MYO18A: variants seen among roughly 807,000 people sequenced by gnomAD.
The protein encoded by MYO18A is unconventional myosin-XVIIIa.
A neutral mutation model predicts 235.8 loss-of-function variants in MYO18A; 78 were observed. The observed-to-expected ratio is 0.33, with a 90% CI of 0.28 to 0.40. MYO18A has a LOEUF of 0.40. Ranked by LOEUF, MYO18A falls within the 10% of genes least tolerant of loss-of-function variation. The pLI is 1.00. For missense variants in MYO18A, 2,215 were observed against 2,699.3 expected, an observed-to-expected ratio of 0.82 and a Z score of 3.98; for synonymous variants, 977 against 1,077.8, an observed-to-expected ratio of 0.91 and a Z score of 1.83.
At position 29,140,832 on chromosome 17, in the gene MYO18A, G is replaced by A. The variant is rs765916927; in HGVS notation, c.1000-18579C>T. Reference sequence around the variant, plus strand: ...CACACACACACACACCAGCATGCACGAACATTCAATCAACACAGTGTTCTT... The same window carrying A: ...CACACACACACACACCAGCATGCACAAACATTCAATCAACACAGTGTTCTT... On this transcript the variant is annotated intron_variant, in intron 2 of 41. Coordinates refer to ENST00000527372, the MANE Select transcript of MYO18A (RefSeq NM_078471.4). The surrounding 1 kb of genome is among the most constrained non-coding windows in gnomAD (Gnocchi z 4.2). Among the ~76,000 whole-genome samples the A allele has an allele frequency of 2.0e-5, 3 of 152,082 alleles. No homozygotes were observed. Among genetic ancestry groups the A allele is most frequent in the Non-Finnish European group, 2.9e-5 (2 of 68,008 alleles).
intron 2 of MYO18A, chr17:29,134,046 G>C: frequency 3.0e-6 from 1 of 329,640 alleles, no homozygotes; most frequent in Non-Finnish European, 6.0e-6. Context: ...ATGAAGGAAA[G>C]TAGGCACAGA....
chr17:29,149,093 C>T (rs2067914950), intron 2 of MYO18A, among the ~76,000 whole-genome samples: 1 of 152,204 alleles, frequency 6.6e-6, no homozygotes, highest in South Asian at 2.1e-4. Context: ...TCACCTCCGC[C>T]AGGCCGGCCT....
At position 29,118,311 on chromosome 17, in the gene MYO18A, A is replaced by G. The variant is rs2067120563; in HGVS notation, c.1893+66T>C. On this transcript the variant is annotated intron_variant, in intron 9 of 41. Coordinates refer to ENST00000527372, the MANE Select transcript of MYO18A (RefSeq NM_078471.4). This position sits in a 1 kb window ranked among gnomAD's most constrained non-coding sequence, Gnocchi z 4.2. ...GCTGGGCTCCCACTATTCCCACAGGACCCATGGAGGCTTCTCCTACCCCCA... is the reference window on the plus strand; with the variant it reads ...GCTGGGCTCCCACTATTCCCACAGGGCCCATGGAGGCTTCTCCTACCCCCA... The G allele has an allele frequency of 6.4e-7, 1 of 1,566,846 alleles. No homozygotes were observed. The highest frequency in any genetic ancestry group is 8.7e-7 in the Non-Finnish European group (1 of 1,150,104).
At chr17:29,090,962 G>T (rs374018262) in intron 34 of MYO18A, 36 bp from the exon 35 acceptor site, 156 of 1,559,808 alleles carry the variant, frequency 1.0e-4, no homozygotes, top group Non-Finnish European at 1.3e-4. Flanking sequence ...AGGGCCTCAG[G>T]CCCAGTGTGC....
chr17:29,151,877 A>G (rs1348143626), intron 2 of MYO18A, among the ~76,000 whole-genome samples: 4 of 152,170 alleles, frequency 2.6e-5, no homozygotes, highest in Non-Finnish European at 5.9e-5. Flanking sequence ...TCTGCCATGG[A>G]GCAGTGAGGC....
chr17:29,174,286 G>T (rs987224832), intron 1 of MYO18A, among the ~76,000 whole-genome samples: 1 of 152,266 alleles, frequency 6.6e-6, no homozygotes, highest in Non-Finnish European at 1.5e-5. Flanking sequence ...CGGGAGGACT[G>T]CTTGAGTCCA....
chr17:29,162,985 G>A (rs1481176162), intron 2 of MYO18A, among the ~76,000 whole-genome samples: 3 of 152,194 alleles, frequency 2.0e-5, no homozygotes, highest in African/African-American at 4.8e-5. Flanking sequence ...GAGAGGAGCC[G>A]GGGGCCTGGC....
In MYO18A at chr17:29,116,348, A is replaced by G. The variant is rs963556378; in HGVS notation, c.2050+96T>C. 42 of 1,493,476 alleles carry G rather than the reference A, an allele frequency of 2.8e-5. 1 individual carries two copies. The highest frequency in any genetic ancestry group is 3.6e-5 in the Non-Finnish European group (39 of 1,070,802). 92.5% of individuals were successfully genotyped at this position (1,493,476 alleles called of 1,614,324 possible). A position where few individuals can be genotyped will look rare whatever the true frequency, so the allele number is the denominator to read the frequency against. ...AACAGTGGGGAGGCAAAAAAGCCAC[A>G]GGGGAAAGGGAACAGCCCGCACAGA... On this transcript the variant is annotated intron_variant, in intron 11 of 41. Coordinates refer to ENST00000527372, the MANE Select transcript of MYO18A (RefSeq NM_078471.4).
intron 18 of MYO18A, 21 bp from the exon 19 acceptor site, chr17:29,110,122 C>T (rs757650477): frequency 6.2e-7 from 1 of 1,601,676 alleles, no homozygotes. Flanking sequence ...GAAGAGACTG[C>T]CCTCAGTGGG....
chr17:29,082,438 A>G lies in MYO18A; in HGVS notation c.5898T>C (p.Leu1966=). The G allele has an allele frequency of 6.2e-7, 1 of 1,612,684 alleles. No individual in the cohort carries two copies. The highest frequency in any genetic ancestry group is 1.3e-5 in the African/African-American group (1 of 74,978). Reference sequence around the variant, plus strand: ...CCGAGTCCACATCAGAGTCTCCCTCACTGTAGGGATGAGGAGCAGAAAGGT... The same window carrying G: ...CCGAGTCCACATCAGAGTCTCCCTCGCTGTAGGGATGAGGAGCAGAAAGGT... ...VTKYQKRKNK[L]EGDSDVDSEL... The change falls in exon 41 of 42, where the codon CTT becomes CTC. Residue 1966 remains leucine (L), a splice_region_variant and synonymous_variant. Coordinates refer to ENST00000527372, the MANE Select transcript of MYO18A (RefSeq NM_078471.4).
chr17:29,089,104 A>G lies in MYO18A; in HGVS notation c.5526+857T>C, dbSNP rs554056286. 6.6e-5 allele frequency among the ~76,000 whole-genome samples: 10 copies of G among 151,816 alleles called. No homozygotes were observed. The South Asian group carries it at 2.1e-3, about 32-fold the overall frequency. On this transcript the variant is annotated intron_variant, in intron 37 of 41. Transcript: ENST00000527372. ...AACCTTATAATAAAGGGAGAGGAGA[A>G]TGGGATGGGAAGAGGGTAAGAAAGA...
At chr17:29,132,316 CAG>C (rs1026739960) in intron 2 of MYO18A, among the ~76,000 whole-genome samples, 1 of 152,244 alleles carries the variant, frequency 6.6e-6, no homozygotes, top group African/African-American at 2.4e-5. Context: ...ACAACAGATT[CAG>C]AGAGGCCAGG....
Position 29,074,358 on chromosome 17 carries a change from G to C in MYO18A, c.*412C>G. 1.4e-6 allele frequency: 1 copy of C among 710,564 alleles called. No individual in the cohort carries two copies. Among genetic ancestry groups the C allele is most frequent in the Non-Finnish European group, 2.3e-6 (1 of 428,486 alleles). 44.0% of individuals were successfully genotyped at this position (710,564 alleles called of 1,614,324 possible). On this transcript the variant is annotated 3_prime_UTR_variant, in exon 42 of 42. Transcript: ENST00000527372. This position sits in a 1 kb window ranked among gnomAD's most constrained non-coding sequence, Gnocchi z 4.4. ...CACCCCACACGAGAGGGAAGGCACT[G>C]CTTCTCCTCCCCCAATCCTCCCCAT...
rs181449754 is a variant in MYO18A, at chr17:29,140,150, G to A, written c.1000-17897C>T. On this transcript the variant is annotated intron_variant, in intron 2 of 41. Transcript: ENST00000527372. The surrounding 1 kb of genome is among the most constrained non-coding windows in gnomAD (Gnocchi z 4.2). ...CTCCTAGCCACGGAGGGGTTTTGAG[G>A]CTTCCGGGGCTGAGTAACTCCCTTC... Among the ~76,000 whole-genome samples, 1 of 152,224 alleles carries A rather than the reference G, an allele frequency of 6.6e-6. No individual in the cohort carries two copies. Among genetic ancestry groups the A allele is most frequent in the East Asian group, 1.9e-4 (1 of 5,174 alleles).
chr17:29,093,205 T>C, intron 32 of MYO18A, 118 bp downstream of exon 32: 1 of 1,106,904 alleles, frequency 9.0e-7, no homozygotes, highest in Non-Finnish European at 1.3e-6. Context: ...CGATGGGCTC[T>C]TTGCAGCACC....
At chr17:29,172,714 AGTAT>A (rs2068433063) in intron 1 of MYO18A, among the ~76,000 whole-genome samples, 1 of 152,226 alleles carries the variant, frequency 6.6e-6, no homozygotes, top group Non-Finnish European at 1.5e-5. Flanking sequence ...AGAGTACACA[AGTAT>A]GACTAAAATA....
chr17:29,141,437 GAA>G (rs56208330), intron 2 of MYO18A, among the ~76,000 whole-genome samples: 10 of 142,524 alleles, frequency 7.0e-5, no homozygotes, highest in African/African-American at 7.8e-5. Flanking sequence ...TCCTCTTTAG[GAA>G]AAAAAAAAAA....
At chr17:29,178,185 G>A (rs1380052545) in intron 1 of MYO18A, among the ~76,000 whole-genome samples, 1 of 152,164 alleles carries the variant, frequency 6.6e-6, no homozygotes, top group Non-Finnish European at 1.5e-5. Flanking sequence ...GAGTGAGGCT[G>A]AGAGACCAGG....
At position 29,166,604 on chromosome 17, in the gene MYO18A, A is replaced by G. The variant is rs1221039729; in HGVS notation, c.337T>C (p.Phe113Leu). ...GCCCGCTGCAGCACCGAGCCACGGA[A>G]GCTACCCTCCTCACCCTTGAGGTCA... ...SDDLKGEEGS[F>L]RGSVLQRAAK... The change falls in exon 2 of 42, where the codon TTC becomes CTC. Residue 113 changes from phenylalanine to leucine, a missense_variant. Phe to Leu is a conservative substitution (Grantham distance 22). Coordinates refer to ENST00000527372, the MANE Select transcript of MYO18A (RefSeq NM_078471.4). 1.2e-6 allele frequency: 2 copies of G among 1,613,760 alleles called. No individual in the cohort carries two copies. The highest frequency in any genetic ancestry group is 1.3e-5 in the African/African-American group (1 of 74,906).
Sources: allele counts gnomAD v4.1 joint callset (sites outside exome capture counted in the v4.1 genomes callset), GRCh38; gene constraint gnomAD v4.1.1; non-coding constraint Gnocchi (gnomAD v3.1); transcripts MANE v1.5; gene names NCBI Gene and HGNC (gene_info 2026-07-23, HGNC 2026-07-21).